The following LRRC4C variants were observed in gnomAD, a reference collection of about 807,000 sequenced individuals.
LRRC4C encodes the protein leucine rich repeat containing 4C, also known as leucine-rich repeat-containing protein 4C.
Under a neutral mutation model 33.6 loss-of-function variants are expected in LRRC4C, and 5 were observed. The observed-to-expected ratio is 0.15, with a 90% CI of 0.08 to 0.31. The LOEUF (loss-of-function observed/expected upper bound fraction) is 0.31, where lower values mean the gene tolerates loss of function less well. Among genes scored for constraint, LRRC4C ranks in the 10% least tolerant of loss-of-function variants. The pLI is 1.00. For synonymous variants in LRRC4C, 329 were observed against 302.0 expected, an observed-to-expected ratio of 1.09 and a Z score of -0.93; for missense variants, 560 against 796.7, an observed-to-expected ratio of 0.70 and a Z score of 3.58.
chr11:41,390,312 T>A (rs1953539604), intron 1 of LRRC4C, among the ~76,000 whole-genome samples: 1 of 151,908 alleles, frequency 6.6e-6, no homozygotes, highest in African/African-American at 2.4e-5. Flanking sequence ...AGTCTTCAGC[T>A]TTTGAATGGC....
At chr11:40,212,471 T>TTAAA (rs3039970) in intron 5 of LRRC4C, among the ~76,000 whole-genome samples, 6 of 144,664 alleles carry the variant, frequency 4.1e-5, no homozygotes, top group Non-Finnish European at 4.5e-5. Context: ...CAAGCAAAAT[T>TTAAA]AAAAAAAAAA....
chr11:40,495,340 C>A (rs1470930773), intron 3 of LRRC4C, among the ~76,000 whole-genome samples: 4 of 152,064 alleles, frequency 2.6e-5, no homozygotes, highest in Non-Finnish European at 5.9e-5. Context: ...TCACCATGAC[C>A]AAATATCTTC....
intron 1 of LRRC4C, among the ~76,000 whole-genome samples, chr11:41,007,379 T>C (rs1854832343): frequency 6.6e-6 from 1 of 152,134 alleles, no homozygotes; most frequent in Non-Finnish European, 1.5e-5. Flanking sequence ...TCTTTTTTTT[T>C]TAAACTTTTC....
intron 1 of LRRC4C, among the ~76,000 whole-genome samples, chr11:40,984,367 G>GAA (rs1356650537): frequency 1.0e-5 from 1 of 96,516 alleles, no homozygotes; most frequent in African/African-American, 4.4e-5. Context: ...AAAGAAAAAA[G>GAA]AAAGAAAGAA....
chr11:41,116,323 G>A (rs1233948441), intron 1 of LRRC4C, among the ~76,000 whole-genome samples: 1 of 152,072 alleles, frequency 6.6e-6, no homozygotes, highest in African/African-American at 2.4e-5. Flanking sequence ...TAGGTTGCAG[G>A]AGAATTTAGT....
chr11:40,622,487 G>A (rs1248140984), intron 3 of LRRC4C, among the ~76,000 whole-genome samples: 5 of 151,822 alleles, frequency 3.3e-5, no homozygotes, highest in African/African-American at 1.2e-4. Context: ...GGCTATGAAA[G>A]AAGACTGGTT....
At chr11:41,032,267 T>C (rs1338970382) in intron 1 of LRRC4C, among the ~76,000 whole-genome samples, 1 of 152,060 alleles carries the variant, frequency 6.6e-6, no homozygotes, top group East Asian at 1.9e-4. Flanking sequence ...TATTTGGAGC[T>C]GAATCTTTAG....
chr11:40,328,252 C>A (rs1346783398), intron 3 of LRRC4C, among the ~76,000 whole-genome samples: 2 of 152,060 alleles, frequency 1.3e-5, no homozygotes, highest in Non-Finnish European at 1.5e-5. Flanking sequence ...CCACTTTATC[C>A]TTATTTATTT....
chr11:40,138,531 G>C (rs1475228761), intron 6 of LRRC4C, among the ~76,000 whole-genome samples: 3 of 152,254 alleles, frequency 2.0e-5, no homozygotes, highest in African/African-American at 4.8e-5. Flanking sequence ...TTTTGTCTTT[G>C]AGCAACCAAG....
chr11:40,453,435 G>A (rs1951985675), intron 3 of LRRC4C, among the ~76,000 whole-genome samples: 1 of 151,946 alleles, frequency 6.6e-6, no homozygotes, highest in Non-Finnish European at 1.5e-5. Flanking sequence ...AAAGCTCCAG[G>A]CAATACAGCT....
intron 2 of LRRC4C, among the ~76,000 whole-genome samples, chr11:40,763,073 G>A (rs4611194): frequency 0.13 from 18,070 of 143,030 alleles, 1,482 homozygotes; most frequent in East Asian, 0.41. Context: ...GTATATATAT[G>A]TATACACACA....
At chr11:40,912,134 C>T (rs1187749815) in intron 2 of LRRC4C, among the ~76,000 whole-genome samples, 2 of 152,280 alleles carry the variant, frequency 1.3e-5, no homozygotes, top group African/African-American at 4.8e-5. Flanking sequence ...AGGATATTAT[C>T]CAGGAGAACT....
chr11:41,156,604 C>A (rs1056762478), intron 1 of LRRC4C, among the ~76,000 whole-genome samples: 4 of 151,854 alleles, frequency 2.6e-5, no homozygotes, highest in African/African-American at 9.7e-5. Context: ...AGAAAAAGTG[C>A]CCTAGAGCTT....
chr11:40,593,101 A>G (rs549659821), intron 3 of LRRC4C, among the ~76,000 whole-genome samples: 1 of 152,340 alleles, frequency 6.6e-6, no homozygotes, highest in African/African-American at 2.4e-5. Flanking sequence ...CAGCTTTATT[A>G]TTCATAGCCT....
intron 1 of LRRC4C, among the ~76,000 whole-genome samples, chr11:41,278,342 T>C (rs192466505): frequency 6.6e-6 from 1 of 152,264 alleles, no homozygotes; most frequent in East Asian, 1.9e-4. Context: ...TAACCAACCA[T>C]ATTTTTACCC....
intron 6 of LRRC4C, among the ~76,000 whole-genome samples, chr11:40,126,084 TA>T (rs145016091): frequency 0.06 from 9,029 of 151,048 alleles, 394 homozygotes; most frequent in Non-Finnish European, 0.088. Flanking sequence ...CCTGTCAAGT[TA>T]ACAAGCAGCT....
intron 2 of LRRC4C, among the ~76,000 whole-genome samples, chr11:40,653,742 G>A (rs1181343019): frequency 6.6e-6 from 1 of 152,208 alleles, no homozygotes; most frequent in Non-Finnish European, 1.5e-5. Flanking sequence ...CATAAGTAAT[G>A]AGGAGCCAAA....
In LRRC4C at chr11:40,431,941, G is replaced by C. The variant is rs535425340; in HGVS notation, c.-269-112220C>G. Among the ~76,000 whole-genome samples, 3 of 152,250 alleles carry C rather than the reference G, an allele frequency of 2.0e-5. No homozygotes were observed. In the East Asian group the frequency reaches 5.8e-4, roughly 29 times the overall value. ...CCTACCCTTGCAGGCTAGTTCCAAA[G>C]ATTTATGGTCAGGACCCAAGGAAAA... On this transcript the variant is annotated intron_variant, in intron 3 of 6. Transcript: ENST00000528697.
intron 1 of LRRC4C, among the ~76,000 whole-genome samples, chr11:41,173,255 G>A (rs1019041846): frequency 2.0e-5 from 3 of 152,078 alleles, no homozygotes; most frequent in South Asian, 2.1e-4. Context: ...GGACTAACCC[G>A]CAGCTCTTTG....
Sources: gnomAD v4.1 joint callset for allele counts (sites outside exome capture counted in the v4.1 genomes callset) on GRCh38, gnomAD v4.1.1 for gene constraint, MANE v1.5 for transcripts, NCBI Gene and HGNC (gene_info 2026-07-23, HGNC 2026-07-21) for gene names.